DOCK7: variants seen among roughly 807,000 people sequenced by gnomAD.
The protein encoded by DOCK7 is dedicator of cytokinesis 7, also known as dedicator of cytokinesis protein 7.
Under a neutral mutation model 271.0 loss-of-function variants are expected in DOCK7, and 138 were observed. The ratio of observed to expected loss-of-function variants is 0.51; its 90% confidence interval spans 0.44 to 0.59. The LOEUF is 0.59. DOCK7 is among the 20% of genes least tolerant of loss of function. DOCK7 has a pLI of 0.00. For missense variants in DOCK7, 2,066 were observed against 2,592.4 expected (o/e 0.80, Z 4.41); for synonymous variants, 823 against 876.1 (o/e 0.94, Z 1.07).
At chr1:62,459,393 G>A (rs1324548548) in intron 48 of DOCK7, among the ~76,000 whole-genome samples, 18 of 151,660 alleles carry the variant, frequency 1.2e-4, no homozygotes, top group Admixed American at 9.9e-4. Flanking sequence ...GGCTCACATC[G>A]CCACACCTGG....
At chr1:62,465,013 A>C (rs1346931509) in intron 48 of DOCK7, among the ~76,000 whole-genome samples, 1 of 152,232 alleles carries the variant, frequency 6.6e-6, no homozygotes. Context: ...TTACCCACAT[A>C]AACACGGACC....
chr1:62,659,587 G>A (rs1196775692), intron 2 of DOCK7, among the ~76,000 whole-genome samples: 3 of 152,142 alleles, frequency 2.0e-5, no homozygotes, highest in African/African-American at 7.2e-5. Context: ...TATTATAAAT[G>A]TAAATGTAAA....
intron 1 of DOCK7, among the ~76,000 whole-genome samples, chr1:62,682,242 T>C (rs1465205223): frequency 1.3e-5 from 2 of 152,242 alleles, no homozygotes; most frequent in Non-Finnish European, 2.9e-5. Context: ...GCCACTTATA[T>C]TCTTGAACTG....
intron 48 of DOCK7, chr1:62,458,391 A>T (rs1430980072): frequency 1.3e-5 from 2 of 152,186 alleles, no homozygotes; most frequent in Non-Finnish European, 2.9e-5. Flanking sequence ...CAGTGTCATT[A>T]AATTGAAAAT....
intron 18 of DOCK7, among the ~76,000 whole-genome samples, chr1:62,563,797 A>G (rs145693041): frequency 2.2e-5 from 3 of 136,812 alleles, no homozygotes. Context: ...TGTATTCAGG[A>G]GACCCACCTC....
intron 10 of DOCK7, among the ~76,000 whole-genome samples, chr1:62,633,224 G>A (rs894185985): frequency 6.6e-6 from 1 of 151,982 alleles, no homozygotes; most frequent in Admixed American, 6.6e-5. Flanking sequence ...AAAATGTAAA[G>A]AGTCAGTTAG....
In DOCK7 at chr1:62,660,423, G is replaced by C. The variant is rs1456660134; in HGVS notation, c.144+2602C>G. 2.6e-5 allele frequency among the ~76,000 whole-genome samples: 4 copies of C among 152,266 alleles called. No individual in the cohort carries two copies. The East Asian group carries it at 5.8e-4, about 22-fold the overall frequency. ...AGGGAAATGTAAACCAAAAGTATAAGTGAGATACCACTTGGTACCCATTAG... is the reference window on the plus strand; with the variant it reads ...AGGGAAATGTAAACCAAAAGTATAACTGAGATACCACTTGGTACCCATTAG... On this transcript the variant is annotated intron_variant, in intron 2 of 49. Coordinates refer to ENST00000635253, the MANE Select transcript of DOCK7 (RefSeq NM_001367561.1).
At chr1:62,623,799 C>A (rs1470904251) in intron 12 of DOCK7, among the ~76,000 whole-genome samples, 1 of 152,172 alleles carries the variant, frequency 6.6e-6, no homozygotes, top group Admixed American at 6.5e-5. Flanking sequence ...AGACATTTAT[C>A]ACTGGCTTTT....
At chr1:62,612,300 C>G (rs1198078816) in intron 14 of DOCK7, among the ~76,000 whole-genome samples, 1 of 152,068 alleles carries the variant, frequency 6.6e-6, no homozygotes, top group East Asian at 1.9e-4. Flanking sequence ...ACAAAAATGA[C>G]AATGCAAGTT....
At chr1:62,682,089 GC>G (rs1453986695) in intron 1 of DOCK7, among the ~76,000 whole-genome samples, 1 of 151,522 alleles carries the variant, frequency 6.6e-6, no homozygotes, top group Non-Finnish European at 1.5e-5. Context: ...ATGGAAACAA[GC>G]ATAGCATTTG....
Position 62,542,652 on chromosome 1 carries a change from G to A in DOCK7, c.3001C>T (p.Arg1001Trp), listed in dbSNP as rs773541942. ...LQWVVCSGSV[R>W]ESALQQAWFF... Reference sequence around the variant, plus strand: ...CAGGCTTGTTGCAAAGCTGATTCCCGAACGCTGCCACTGCAAACAACCCAC... The same window carrying A: ...CAGGCTTGTTGCAAAGCTGATTCCCAAACGCTGCCACTGCAAACAACCCAC... Residue 1001 changes from arginine (R) to tryptophan (W), a missense_variant, in exon 25 of 50, where the codon CGG (arginine) becomes TGG (tryptophan). Arg to Trp is a moderately radical substitution (Grantham distance 101). Coordinates refer to ENST00000635253, the MANE Select transcript of DOCK7 (RefSeq NM_001367561.1). 4.7e-5 allele frequency: 75 copies of A among 1,612,698 alleles called. No individual in the cohort carries two copies. Among genetic ancestry groups the A allele is most frequent in the Admixed American group, 6.7e-5 (4 of 59,932 alleles).
At chr1:62,514,005 A>G (rs1329012883) in intron 31 of DOCK7, 107 bp from the exon 32 acceptor site, 1 of 978,532 alleles carries the variant, frequency 1.0e-6, no homozygotes, top group Non-Finnish European at 1.5e-6. Context: ...AGTTGCTTAA[A>G]AATAATATAA....
intron 31 of DOCK7, chr1:62,516,801 C>T (rs1644674831): frequency 6.6e-6 from 1 of 152,364 alleles, no homozygotes; most frequent in Admixed American, 6.5e-5. Flanking sequence ...CTCTTCTTAC[C>T]TCACTTGCCA....
At chr1:62,638,136 C>A (rs545768900) in intron 7 of DOCK7, among the ~76,000 whole-genome samples, 4 of 152,042 alleles carry the variant, frequency 2.6e-5, no homozygotes, top group Non-Finnish European at 4.4e-5. Flanking sequence ...GGGATATTTT[C>A]GGTTGGCCCA....
At position 62,543,121 on chromosome 1, in the gene DOCK7, G is replaced by A. The variant is rs1221317195; in HGVS notation, c.2950-418C>T. On this transcript the variant is annotated intron_variant, in intron 24 of 49. Transcript: ENST00000635253. The stretch of plus-strand genomic sequence containing the variant: ...TTTTAAAATTTAAACTTTGCTATGA[G>A]CCATTAATTTTCAAGTTTTCAGGTA... Among the ~76,000 whole-genome samples, 3 of 149,808 alleles carry A rather than the reference G, an allele frequency of 2.0e-5. No individual in the cohort carries two copies. The East Asian group carries it at 6.0e-4, about 30-fold the overall frequency.
chr1:62,541,835 C>CA (rs1645544496), intron 25 of DOCK7, among the ~76,000 whole-genome samples: 1 of 152,076 alleles, frequency 6.6e-6, no homozygotes, highest in Admixed American at 6.6e-5. Context: ...AATATTAATT[C>CA]ACTCATTTTA....
At position 62,626,725 on chromosome 1, in the gene DOCK7, C is replaced by T. The variant is rs114323460; in HGVS notation, c.1283-1324G>A. ...CAAGATGAAAGAAAATGTGAATAGA[C>T]CTAAAACAAGTAAAGAGATCGAGTT... On this transcript the variant is annotated intron_variant, in intron 11 of 49. Transcript: ENST00000635253. 5.6e-3 allele frequency among the ~76,000 whole-genome samples: 852 copies of T among 151,968 alleles called. 9 individuals carry two copies. Among genetic ancestry groups the T allele is most frequent in the African/African-American group, 0.02 (814 of 41,466 alleles).
rs1317549494 is a variant in DOCK7 at position 62,636,581 on chromosome 1, T to A, written c.841A>T (p.Ile281Phe). The change falls in exon 8 of 50, where the codon ATT becomes TTT. Residue 281 changes from isoleucine to phenylalanine, a missense_variant. Physicochemically the swap from Ile to Phe is conservative, Grantham distance 21. Transcript: ENST00000635253. ...TCATATAAAGCCAAACTTGCAAAAA[T>A]GGGTTCAATTTCAATTTCAAACCTT... ...SLKFEIEIEP[I>F]FASLALYDVK... The A allele has an allele frequency of 1.2e-6, 2 of 1,602,960 alleles. No individual in the cohort carries two copies. The highest frequency in any genetic ancestry group is 2.7e-5 in the African/African-American group (2 of 74,646).
At chr1:62,553,633 T>C (rs1646031467) in intron 21 of DOCK7, among the ~76,000 whole-genome samples, 1 of 151,146 alleles carries the variant, frequency 6.6e-6, no homozygotes, top group Non-Finnish European at 1.5e-5. Flanking sequence ...CTTGGCCTCC[T>C]TGAAGCACTG....
Sources: allele counts gnomAD v4.1 joint callset (sites outside exome capture counted in the v4.1 genomes callset), GRCh38; gene constraint gnomAD v4.1.1; transcripts MANE v1.5; gene names NCBI Gene and HGNC (gene_info 2026-07-23, HGNC 2026-07-21).